Variants in ZPBP observed in about 807,000 individuals in gnomAD.
ZPBP encodes the protein zona pellucida-binding protein 1.
ZPBP carries 26 observed loss-of-function variants against 44.8 expected under a neutral mutation model. The ratio of observed to expected loss-of-function variants is 0.58; its 90% confidence interval spans 0.43 to 0.81. The LOEUF is 0.81. Ranked by LOEUF, ZPBP falls within the 30% of genes least tolerant of loss-of-function variation. ZPBP has a pLI of 0.00. For synonymous variants in ZPBP, 174 were observed against 153.2 expected (o/e 1.14, Z -1.00); for missense variants, 409 against 434.0 (o/e 0.94, Z 0.51).
At chr7:49,986,812 G>T (rs1797303183) in intron 6 of ZPBP, among the ~76,000 whole-genome samples, 1 of 152,126 alleles carries the variant, frequency 6.6e-6, no homozygotes, top group Non-Finnish European at 1.5e-5. Flanking sequence ...AATCTGGAGT[G>T]GTTCACATGT....
intron 7 of ZPBP, among the ~76,000 whole-genome samples, chr7:49,981,360 TATATAATTATA>T (rs1796889170): frequency 8.6e-5 from 1 of 11,604 alleles, no homozygotes; most frequent in South Asian, 2.5e-3. Context: ...ATATATATTA[TATATAATTATA>T]TATATTATAT....
At chr7:49,950,416 C>A (rs1245234919) in intron 7 of ZPBP, among the ~76,000 whole-genome samples, 1 of 151,788 alleles carries the variant, frequency 6.6e-6, no homozygotes, top group Non-Finnish European at 1.5e-5. Flanking sequence ...TCAACCATGA[C>A]AATTTTATTT....
intron 7 of ZPBP, among the ~76,000 whole-genome samples, chr7:49,939,843 T>C (rs1794791707): frequency 6.6e-6 from 1 of 152,124 alleles, no homozygotes; most frequent in Non-Finnish European, 1.5e-5. Context: ...TCACATACTT[T>C]GTGTTTCTCT....
chr7:50,040,829 G>T (rs7797911), intron 4 of ZPBP, among the ~76,000 whole-genome samples: 40,775 of 151,852 alleles, frequency 0.27, 6,086 homozygotes, highest in Non-Finnish European at 0.35. Flanking sequence ...CCCTGGAAAG[G>T]GGGCTGAAAC....
intron 4 of ZPBP, among the ~76,000 whole-genome samples, chr7:50,057,644 G>A (rs1161320413): frequency 1.3e-5 from 2 of 152,256 alleles, no homozygotes; most frequent in Middle Eastern, 3.4e-3. Flanking sequence ...GGATGGCAGT[G>A]TACCAGAAAT....
intron 6 of ZPBP, among the ~76,000 whole-genome samples, chr7:49,993,581 TAAC>T (rs981868162): frequency 1.3e-5 from 2 of 152,190 alleles, no homozygotes; most frequent in Non-Finnish European, 2.9e-5. Flanking sequence ...AAAATATGTG[TAAC>T]AACATTAAAT....
intron 2 of ZPBP, among the ~76,000 whole-genome samples, chr7:49,865,615 A>G (rs1053828000): frequency 3.3e-5 from 5 of 152,210 alleles, no homozygotes; most frequent in Non-Finnish European, 5.9e-5. Flanking sequence ...TCCAATATGC[A>G]AGTATTTTTG....
chr7:49,919,934 A>T (rs1426435379), intron 1 of ZPBP: 1 of 152,238 alleles, frequency 6.6e-6, no homozygotes, highest in African/African-American at 2.4e-5. Flanking sequence ...TGGCCAACTG[A>T]TACCTTAAAA....
chr7:50,029,949 G>A (rs372884791), intron 5 of ZPBP, among the ~76,000 whole-genome samples: 4 of 152,090 alleles, frequency 2.6e-5, no homozygotes, highest in East Asian at 1.9e-4. Flanking sequence ...TCAGCTTCCC[G>A]GGTTCAAGTG....
intron 6 of ZPBP, among the ~76,000 whole-genome samples, chr7:50,008,687 A>G (rs1798425666): frequency 6.6e-6 from 1 of 152,142 alleles, no homozygotes; most frequent in South Asian, 2.1e-4. Flanking sequence ...CCAATGGAAC[A>G]GAATACAGAA....
intron 1 of ZPBP, among the ~76,000 whole-genome samples, chr7:49,930,897 G>C (rs1298851801): frequency 6.6e-6 from 1 of 152,208 alleles, no homozygotes; most frequent in Non-Finnish European, 1.5e-5. Context: ...ATCTCACCTT[G>C]AATTGTAATA....
intron 4 of ZPBP, among the ~76,000 whole-genome samples, chr7:50,052,346 T>C (rs1203387536): frequency 6.6e-6 from 1 of 152,114 alleles, no homozygotes; most frequent in Non-Finnish European, 1.5e-5. Flanking sequence ...ACTCATAAAA[T>C]ATATTTAATA....
intron 6 of ZPBP, among the ~76,000 whole-genome samples, chr7:49,995,903 T>C (rs889988680): frequency 4.6e-5 from 7 of 152,138 alleles, no homozygotes; most frequent in Non-Finnish European, 2.9e-5. Flanking sequence ...GAGAGTTTCA[T>C]TAATGGATAC....
At chr7:50,027,959 C>T (rs1799416268) in intron 5 of ZPBP, among the ~76,000 whole-genome samples, 1 of 151,888 alleles carries the variant, frequency 6.6e-6, no homozygotes, top group African/African-American at 2.4e-5. Context: ...ACCCAAAGGC[C>T]TCAGTGATTA....
intron 5 of ZPBP, among the ~76,000 whole-genome samples, chr7:50,024,083 G>A (rs1033471104): frequency 2.6e-5 from 4 of 151,966 alleles, no homozygotes; most frequent in Non-Finnish European, 5.9e-5. Context: ...AATAATCAGG[G>A]AAATGCAAAT....
chr7:50,050,410 T>C (rs1800628404), intron 4 of ZPBP, among the ~76,000 whole-genome samples: 1 of 151,964 alleles, frequency 6.6e-6, no homozygotes, highest in Admixed American at 6.6e-5. Context: ...TATAAATCAA[T>C]GGAAGAAATT....
At chr7:49,899,741 C>T (rs1004935826) in intron 2 of ZPBP, among the ~76,000 whole-genome samples, 1 of 151,892 alleles carries the variant, frequency 6.6e-6, no homozygotes, top group Admixed American at 6.6e-5. Flanking sequence ...TTCCACACCC[C>T]TCTACCAGAA....
chr7:49,990,568 G>GA (rs1052058098), intron 6 of ZPBP, among the ~76,000 whole-genome samples: 3 of 150,980 alleles, frequency 2.0e-5, no homozygotes, highest in African/African-American at 7.3e-5. Flanking sequence ...GGACTCCTTT[G>GA]AAAAAAACGT....
At chr7:49,919,415 A>G (rs1002406451) in intron 1 of ZPBP, 4 of 152,162 alleles carry the variant, frequency 2.6e-5, no homozygotes, top group African/African-American at 9.7e-5. Flanking sequence ...TTTAAGCAAA[A>G]TTTTGCCATT....
Sources: allele counts gnomAD v4.1 joint callset (sites outside exome capture counted in the v4.1 genomes callset), GRCh38; gene constraint gnomAD v4.1.1; transcripts MANE v1.5; gene names NCBI Gene and HGNC (gene_info 2026-07-23, HGNC 2026-07-21).